Variants in ADAMTSL1 observed in about 807,000 individuals in gnomAD.
The protein encoded by ADAMTSL1 is ADAMTS-like protein 1.
Under a neutral mutation model 201.8 loss-of-function variants are expected in ADAMTSL1, and 126 were observed. That is an observed-to-expected ratio of 0.62 (90% confidence interval 0.54 to 0.72). The LOEUF is 0.72. Among genes scored for constraint, ADAMTSL1 ranks in the 30% least tolerant of loss-of-function variants. The probability of loss-of-function intolerance (pLI) is 0.00; values close to 1 mark genes in which losing one functional copy is unlikely to be tolerated. For missense variants in ADAMTSL1, 2,679 were observed against 2,277.8 expected, an observed-to-expected ratio of 1.18 and a Z score of -3.59; for synonymous variants, 1,121 against 903.4, an observed-to-expected ratio of 1.24 and a Z score of -4.32.
intron 2 of ADAMTSL1, among the ~76,000 whole-genome samples, chr9:18,448,653 A>G (rs1398852929): frequency 1.3e-5 from 2 of 152,172 alleles, no homozygotes; most frequent in Non-Finnish European, 2.9e-5. Context: ...ATACTCAGTT[A>G]TTCATAAAAG....
chr9:18,890,790 A>G (rs1375884590), intron 25 of ADAMTSL1: 2 of 347,626 alleles, frequency 5.8e-6, no homozygotes, highest in Non-Finnish European at 1.1e-5. Context: ...ATGGAAATGC[A>G]GGCCTGACAT....
chr9:18,682,235 C>A (rs979675310), intron 12 of ADAMTSL1, among the ~76,000 whole-genome samples: 1 of 152,122 alleles, frequency 6.6e-6, no homozygotes, highest in African/African-American at 2.4e-5. Context: ...TACGGATGTA[C>A]CTGCTTAAAG....
At chr9:18,256,532 T>C (rs1419312363) in intron 2 of ADAMTSL1, among the ~76,000 whole-genome samples, 1 of 152,190 alleles carries the variant, frequency 6.6e-6, no homozygotes, top group East Asian at 1.9e-4. Context: ...AGATGTTAGA[T>C]GATGTTTTGA....
intron 4 of ADAMTSL1, among the ~76,000 whole-genome samples, chr9:18,612,624 G>T (rs36031735): frequency 0.049 from 7,388 of 152,202 alleles, 260 homozygotes; most frequent in East Asian, 0.2. Flanking sequence ...ATGGGGAAAG[G>T]ATTCCTTATT....
chr9:18,143,018 G>C (rs1826466467), intron 1 of ADAMTSL1, among the ~76,000 whole-genome samples: 1 of 152,144 alleles, frequency 6.6e-6, no homozygotes, highest in African/African-American at 2.4e-5. Context: ...AGTAAATACT[G>C]GGTGCAATGA....
chr9:17,932,806 A>C (rs2772688), intron 1 of ADAMTSL1, among the ~76,000 whole-genome samples: 148,224 of 152,254 alleles, frequency 0.97, 72,197 homozygotes, highest in East Asian at 1. Flanking sequence ...GAAACAAATA[A>C]AAGTCAATTG....
intron 4 of ADAMTSL1, among the ~76,000 whole-genome samples, chr9:18,616,041 T>G (rs1005538281): frequency 6.6e-6 from 1 of 152,166 alleles, no homozygotes; most frequent in Admixed American, 6.5e-5. Flanking sequence ...GCTTTTTTTT[T>G]TGGAGACAAA....
chr9:18,250,944 C>T (rs1379169347), intron 2 of ADAMTSL1, among the ~76,000 whole-genome samples: 1 of 152,046 alleles, frequency 6.6e-6, no homozygotes, highest in East Asian at 1.9e-4. Context: ...TGACAACTCA[C>T]TAAAGAAAAA....
At chr9:18,615,342 C>T (rs777076719) in intron 4 of ADAMTSL1, among the ~76,000 whole-genome samples, 2 of 152,106 alleles carry the variant, frequency 1.3e-5, no homozygotes, top group Non-Finnish European at 2.9e-5. Flanking sequence ...AGGAGGTGAC[C>T]GCAGGTGTTG....
In ADAMTSL1 at chr9:18,662,401, G is replaced by A. The variant is rs116010140; in HGVS notation, c.1085+328G>A. ...GGTCCAGGCCAATGGACCACTCAACGTTCTTAACCAATGTGATGACACAAT... is the reference window on the plus strand; with the variant it reads ...GGTCCAGGCCAATGGACCACTCAACATTCTTAACCAATGTGATGACACAAT... On this transcript the variant is annotated intron_variant, in intron 9 of 28. Coordinates refer to ENST00000380548, the MANE Select transcript of ADAMTSL1 (RefSeq NM_001040272.6). Among the ~76,000 whole-genome samples the A allele has an allele frequency of 3.8e-3, 583 of 152,160 alleles. 4 individuals carry two copies. Among genetic ancestry groups the A allele is most frequent in the African/African-American group, 0.013 (551 of 41,520 alleles).
intron 9 of ADAMTSL1, among the ~76,000 whole-genome samples, chr9:18,662,597 A>C (rs1829171478): frequency 6.6e-6 from 1 of 152,204 alleles, no homozygotes; most frequent in African/African-American, 2.4e-5. Context: ...AGTCTTTGCT[A>C]AAGAGAAAGA....
At chr9:18,276,417 C>T (rs536646827) in intron 2 of ADAMTSL1, among the ~76,000 whole-genome samples, 5 of 152,152 alleles carry the variant, frequency 3.3e-5, no homozygotes, top group Non-Finnish European at 5.9e-5. Context: ...CTTTGCCTAA[C>T]TCAAGTTCTC....
chr9:18,432,650 G>T (rs1481957716), intron 2 of ADAMTSL1, among the ~76,000 whole-genome samples: 1 of 152,172 alleles, frequency 6.6e-6, no homozygotes, highest in Non-Finnish European at 1.5e-5. Flanking sequence ...TCCAGTGGTT[G>T]CTTGCTGAGG....
chr9:18,240,024 A>G lies in ADAMTSL1; in HGVS notation c.207+76043A>G, dbSNP rs180807589. On this transcript the variant is annotated intron_variant, in intron 2 of 29. Transcript: ENST00000680146. Reference sequence around the variant, plus strand: ...TGGCATCAACTTCTTCCAAACTACTATTGTTGATATTTTGACTGCCTCCCA... The same window carrying G: ...TGGCATCAACTTCTTCCAAACTACTGTTGTTGATATTTTGACTGCCTCCCA... Among the ~76,000 whole-genome samples the G allele has an allele frequency of 2.3e-4, 35 of 152,198 alleles. No homozygotes were observed. In the East Asian group the frequency reaches 4.6e-3, roughly 20 times the overall value.
At chr9:18,670,417 C>G (rs1375923006) in intron 9 of ADAMTSL1, among the ~76,000 whole-genome samples, 1 of 152,162 alleles carries the variant, frequency 6.6e-6, no homozygotes, top group Non-Finnish European at 1.5e-5. Context: ...CTAATCTGTC[C>G]TTTCTCTGCT....
chr9:18,276,778 A>C (rs1040673639), intron 2 of ADAMTSL1, among the ~76,000 whole-genome samples: 1 of 152,198 alleles, frequency 6.6e-6, no homozygotes, highest in Non-Finnish European at 1.5e-5. Flanking sequence ...ATGAACTAAT[A>C]AAGTGAGAAC....
At chr9:18,315,793 C>A (rs1241889106) in intron 2 of ADAMTSL1, among the ~76,000 whole-genome samples, 10 of 152,210 alleles carry the variant, frequency 6.6e-5, no homozygotes, top group African/African-American at 2.2e-4. Flanking sequence ...CAGCAGTGGG[C>A]TGCAGTGCTC....
chr9:18,657,618 C>G (rs1249600405), intron 7 of ADAMTSL1, 21 bp from the exon 8 acceptor site: 1 of 1,587,552 alleles, frequency 6.3e-7, no homozygotes, highest in Non-Finnish European at 8.7e-7. Flanking sequence ...ATTACTTCTA[C>G]TTTCCTGTTG....
intron 4 of ADAMTSL1, among the ~76,000 whole-genome samples, chr9:18,606,981 A>G (rs1825061410): frequency 6.6e-6 from 1 of 152,230 alleles, no homozygotes; most frequent in Non-Finnish European, 1.5e-5. Flanking sequence ...TGTGAAGACC[A>G]GATCTCACTG....
Sources: allele counts gnomAD v4.1 joint callset (sites outside exome capture counted in the v4.1 genomes callset), GRCh38; gene constraint gnomAD v4.1.1; transcripts MANE v1.5; gene names NCBI Gene and HGNC (gene_info 2026-07-23, HGNC 2026-07-21).